Variants in IRAG2 observed in about 807,000 individuals in gnomAD.
The protein encoded by IRAG2 is lymphoid restricted membrane protein.
In IRAG2, 45 loss-of-function variants were observed where a neutral mutation model predicts 69.9. The observed-to-expected ratio is 0.64, with a 90% CI of 0.51 to 0.83. The LOEUF is 0.83. Ranked by LOEUF, IRAG2 falls within the 40% of genes least tolerant of loss-of-function variation. The pLI, the probability that IRAG2 is intolerant of heterozygous loss-of-function variation, is 0.00. For synonymous variants in IRAG2, 193 were observed against 202.4 expected, an observed-to-expected ratio of 0.95 and a Z score of 0.40; for missense variants, 520 against 587.0, an observed-to-expected ratio of 0.89 and a Z score of 1.18.
chr12:25,104,127 G>A, intron 19 of IRAG2, 69 bp downstream of exon 19: 3 of 1,303,982 alleles, frequency 2.3e-6, no homozygotes, highest in Non-Finnish European at 3.3e-6. Flanking sequence ...CTAAATGAGT[G>A]CTCAAATTAA....
At chr12:25,004,738 T>A (rs1322760679) in exon 1 of IRAG2, 1 of 1,232,054 alleles carries the variant, frequency 8.1e-7, no homozygotes, top group Non-Finnish European at 1.0e-6. Context: ...GAATTATACA[T>A]CTTTGATGTC....
intron 18 of IRAG2, 50 bp downstream of exon 18, chr12:25,103,949 T>A: frequency 6.3e-7 from 1 of 1,599,150 alleles, no homozygotes; most frequent in East Asian, 2.2e-5. Context: ...CATTTTCATA[T>A]GACAGAAAAT....
chr12:25,096,661 G>A (rs1234155122), intron 14 of IRAG2, among the ~76,000 whole-genome samples: 2 of 152,056 alleles, frequency 1.3e-5, no homozygotes, highest in Admixed American at 1.3e-4. Context: ...TGGCAAATTT[G>A]GGAAGTAAAG....
At chr12:25,044,491 T>A (rs1212853185) in intron 16 of IRAG2, among the ~76,000 whole-genome samples, 1 of 58,458 alleles carries the variant, frequency 1.7e-5, no homozygotes, top group Non-Finnish European at 4.5e-5. Context: ...ACATATTAAA[T>A]TTTAAAAAGC....
At chr12:25,071,130 G>A (rs554062548) in intron 6 of IRAG2, among the ~76,000 whole-genome samples, 65 of 152,070 alleles carry the variant, frequency 4.3e-4, no homozygotes, top group Non-Finnish European at 6.8e-4. Context: ...CAAGGTGGGC[G>A]GATCACTTGA....
At chr12:25,017,394 C>A (rs1366673746) in intron 6 of IRAG2, 4 of 1,035,080 alleles carry the variant, frequency 3.9e-6, no homozygotes, top group East Asian at 6.5e-5. Flanking sequence ...AAAATTCATT[C>A]TCTTAAAGTA....
chr12:25,099,058 A>AGCC (rs993925741), intron 15 of IRAG2, among the ~76,000 whole-genome samples: 1 of 152,088 alleles, frequency 6.6e-6, no homozygotes, highest in African/African-American at 2.4e-5. Flanking sequence ...AATATTGAAG[A>AGCC]GCCCCAGGAC....
chr12:25,087,180 T>TTTTTTTTTTTTTTGTTG lies in IRAG2; in HGVS notation c.316-918_316-917insTTTTTTTTTTTGTTGTT, dbSNP rs1450270058. Among the ~76,000 whole-genome samples the TTTTTTTTTTTTTTGTTG allele has an allele frequency of 3.2e-5, 4 of 125,170 alleles. 1 individual carries two copies. Among genetic ancestry groups the TTTTTTTTTTTTTTGTTG allele is most frequent in the African/African-American group, 1.3e-4 (4 of 31,982 alleles). 82.1% of individuals were successfully genotyped at this position (125,170 alleles called of 152,430 possible). ...TTTTTTTTTTTTTTTTTTTTTTTTT[T>TTTTTTTTTTTTTTGTTG]TTGTTGAGACAGAGCCTTGCACTGC... On this transcript the variant is annotated intron_variant, in intron 10 of 21. Coordinates refer to ENST00000556887, the MANE Select transcript of IRAG2 (RefSeq NM_001366544.2).
intron 16 of IRAG2, among the ~76,000 whole-genome samples, chr12:25,039,302 C>T (rs984706850): frequency 6.6e-6 from 1 of 152,212 alleles, no homozygotes; most frequent in African/African-American, 2.4e-5. Flanking sequence ...CAGAGGAACT[C>T]TCAAGAAAAT....
chr12:25,098,113 A>G (rs931189664), intron 15 of IRAG2, among the ~76,000 whole-genome samples: 1 of 152,076 alleles, frequency 6.6e-6, no homozygotes, highest in African/African-American at 2.4e-5. Context: ...ATGTCCCCTC[A>G]TCACTTACCC....
intron 8 of IRAG2, among the ~76,000 whole-genome samples, chr12:25,025,503 TAAAACAAAAC>T (rs1344642678): frequency 6.6e-6 from 1 of 151,684 alleles, no homozygotes; most frequent in African/African-American, 2.4e-5. Context: ...TGTCTTTTTT[TAAAACAAAAC>T]AAAACAAAAC....
chr12:25,052,639 T>A (rs1287222608), upstream of IRAG2: 1 of 397,374 alleles, frequency 2.5e-6, no homozygotes, highest in Admixed American at 4.4e-5. Context: ...ACCAAGCCCA[T>A]GCAAACACAG....
chr12:25,060,698 A>C (rs1337460117), intron 1 of IRAG2, among the ~76,000 whole-genome samples: 1 of 103,784 alleles, frequency 9.6e-6, no homozygotes, highest in African/African-American at 3.9e-5. Context: ...TTTGAGAGGG[A>C]GTCTCGCCCT....
chr12:25,085,257 G>C (rs1416675016), intron 10 of IRAG2, among the ~76,000 whole-genome samples: 2 of 152,236 alleles, frequency 1.3e-5, no homozygotes, highest in African/African-American at 4.8e-5. Context: ...TGAGCTGGAA[G>C]GATGAGTGCA....
chr12:25,020,872 C>G (rs541257456), exon 7 of IRAG2: 1 of 1,231,748 alleles, frequency 8.1e-7, no homozygotes, highest in East Asian at 3.2e-5. Context: ...TTCAGAAGAG[C>G]AGAAGAGCAT....
At chr12:25,104,853 C>T (rs1168502855) in intron 20 of IRAG2, among the ~76,000 whole-genome samples, 1 of 150,482 alleles carries the variant, frequency 6.6e-6, no homozygotes, top group Non-Finnish European at 1.5e-5. Flanking sequence ...AACATATAGG[C>T]ACATATGTAA....
chr12:24,998,236 G>A, the IRAG2 span, among the ~76,000 whole-genome samples: 1 of 152,182 alleles, frequency 6.6e-6, no homozygotes, highest in East Asian at 1.9e-4. Context: ...GTGTGACCCA[G>A]CCAAGAAGCT....
chr12:25,088,280 C>A, intron 11 of IRAG2, 123 bp downstream of exon 11: 2 of 743,326 alleles, frequency 2.7e-6, no homozygotes, highest in Non-Finnish European at 4.6e-6. Context: ...TAAGGTCAGT[C>A]AATAGGACCG....
intron 15 of IRAG2, among the ~76,000 whole-genome samples, chr12:25,037,303 TTTG>T (rs894925173): frequency 1.8e-4 from 28 of 152,158 alleles, no homozygotes; most frequent in African/African-American, 6.5e-4. Flanking sequence ...CTAATTTTTT[TTTG>T]TTTTTGTTTT....
Sources: allele counts gnomAD v4.1 joint callset (sites outside exome capture counted in the v4.1 genomes callset), GRCh38; gene constraint gnomAD v4.1.1; transcripts MANE v1.5; gene names NCBI Gene and HGNC (gene_info 2026-07-23, HGNC 2026-07-21).